Variants in LDB2 observed in about 807,000 individuals in gnomAD.
The protein encoded by LDB2 is LIM domain-binding protein 2.
In LDB2, 12 loss-of-function variants were observed where a neutral mutation model predicts 44.3. The ratio of observed to expected loss-of-function variants is 0.27; its 90% CI spans 0.17 to 0.44. The LOEUF (loss-of-function observed/expected upper bound fraction) is 0.44, where lower values mean the gene tolerates loss of function less well. LDB2 is among the 20% of genes least tolerant of loss of function. The pLI, the probability that LDB2 is intolerant of heterozygous loss-of-function variation, is 1.00. For synonymous variants in LDB2, 164 were observed against 174.8 expected (o/e 0.94, Z 0.49); for missense variants, 344 against 473.5 (o/e 0.73, Z 2.54).
intron 2 of LDB2, among the ~76,000 whole-genome samples, chr4:16,610,796 A>G (rs942548783): frequency 1.3e-5 from 2 of 152,230 alleles, no homozygotes; most frequent in African/African-American, 2.4e-5. Context: ...ACCCTTCACA[A>G]TATTATCCAG....
At chr4:16,769,653 T>C (rs1171377432) in intron 1 of LDB2, among the ~76,000 whole-genome samples, 1 of 152,140 alleles carries the variant, frequency 6.6e-6, no homozygotes, top group Non-Finnish European at 1.5e-5. Flanking sequence ...ACTGAATTTT[T>C]CTTCTCTAAT....
intron 1 of LDB2, among the ~76,000 whole-genome samples, chr4:16,780,489 A>T (rs1044842798): frequency 2.0e-4 from 31 of 152,054 alleles, no homozygotes; most frequent in African/African-American, 7.2e-4. Context: ...TCCCAAAGTG[A>T]TGGGATTTCA....
chr4:16,715,827 G>C (rs753402049), intron 2 of LDB2, among the ~76,000 whole-genome samples: 1 of 152,120 alleles, frequency 6.6e-6, no homozygotes, highest in Admixed American at 6.6e-5. Flanking sequence ...CAAGGAATAC[G>C]TGTGCATGGA....
chr4:16,850,792 T>C (rs978685640), intron 1 of LDB2, among the ~76,000 whole-genome samples: 1 of 151,974 alleles, frequency 6.6e-6, no homozygotes, highest in Non-Finnish European at 1.5e-5. Context: ...AGATGGTGAG[T>C]TTGGTTTGGG....
chr4:16,651,833 T>C (rs761996456), intron 2 of LDB2, among the ~76,000 whole-genome samples: 1 of 152,138 alleles, frequency 6.6e-6, no homozygotes, highest in Non-Finnish European at 1.5e-5. Context: ...GCAAAATACA[T>C]GCTTTTAACC....
intron 1 of LDB2, among the ~76,000 whole-genome samples, chr4:16,876,913 T>C (rs1322867043): frequency 7.6e-6 from 1 of 131,688 alleles, no homozygotes; most frequent in Non-Finnish European, 1.6e-5. Context: ...GTGCTTTTTT[T>C]TTTTTTCCTT....
chr4:16,664,315 G>A (rs1422612088), intron 2 of LDB2, among the ~76,000 whole-genome samples: 8 of 152,164 alleles, frequency 5.3e-5, no homozygotes, highest in Non-Finnish European at 1.2e-4. Flanking sequence ...CAGGTGCCTC[G>A]ATCTTGGACT....
chr4:16,837,230 G>T (rs1429517201), intron 1 of LDB2, among the ~76,000 whole-genome samples: 3 of 152,226 alleles, frequency 2.0e-5, no homozygotes, highest in South Asian at 2.1e-4. Flanking sequence ...ATGACCTTAG[G>T]CAACTTAACT....
At chr4:16,585,330 T>C (rs536321914) in intron 5 of LDB2, among the ~76,000 whole-genome samples, 1 of 152,068 alleles carries the variant, frequency 6.6e-6, no homozygotes, top group Non-Finnish European at 1.5e-5. Flanking sequence ...GGTGTTAGGA[T>C]GGGCGGGTGG....
At chr4:16,545,801 G>A (rs549006178) in intron 5 of LDB2, among the ~76,000 whole-genome samples, 5 of 152,252 alleles carry the variant, frequency 3.3e-5, no homozygotes, top group African/African-American at 1.2e-4. Context: ...CCATCTTTAC[G>A]CAAGAATGCT....
At chr4:16,897,946 GTATATATATATATA>G (rs35836810) in intron 1 of LDB2, among the ~76,000 whole-genome samples, 1 of 27,948 alleles carries the variant, frequency 3.6e-5, no homozygotes, top group Non-Finnish European at 6.2e-5. Flanking sequence ...ATACACATAT[GTATATATATATATA>G]TATATATATA....
chr4:16,873,612 C>T (rs1038473892), intron 1 of LDB2, among the ~76,000 whole-genome samples: 5 of 151,988 alleles, frequency 3.3e-5, no homozygotes, highest in African/African-American at 1.2e-4. Context: ...TTTTCTAAAA[C>T]AAGGAGTATT....
intron 1 of LDB2, among the ~76,000 whole-genome samples, chr4:16,779,533 C>T (rs1772694415): frequency 6.6e-6 from 1 of 152,110 alleles, no homozygotes; most frequent in Non-Finnish European, 1.5e-5. Context: ...AACTCTGCCT[C>T]TTGGGAAGGA....
chr4:16,730,206 GA>G (rs1325566270), intron 2 of LDB2, among the ~76,000 whole-genome samples: 1 of 152,180 alleles, frequency 6.6e-6, no homozygotes, highest in Non-Finnish European at 1.5e-5. Flanking sequence ...GGGATCTTGA[GA>G]TTCCCAGAGT....
At chr4:16,714,860 A>C (rs753490057) in intron 2 of LDB2, among the ~76,000 whole-genome samples, 2 of 151,796 alleles carry the variant, frequency 1.3e-5, no homozygotes, top group Non-Finnish European at 2.9e-5. Flanking sequence ...CATGCCACAC[A>C]ATATCCTCTC....
intron 5 of LDB2, among the ~76,000 whole-genome samples, chr4:16,528,743 T>C (rs747936565): frequency 3.5e-4 from 53 of 152,192 alleles, no homozygotes; most frequent in Non-Finnish European, 6.9e-4. Flanking sequence ...AAAAAAGTGA[T>C]TCATGAGAAG....
chr4:16,567,379 TGTGTGC>T (rs972283033), intron 5 of LDB2, among the ~76,000 whole-genome samples: 20 of 59,926 alleles, frequency 3.3e-4, no homozygotes, highest in African/African-American at 7.3e-4. Context: ...TGTGTGTGTG[TGTGTGC>T]GCGTGTGTGC....
intron 2 of LDB2, among the ~76,000 whole-genome samples, chr4:16,757,008 T>A (rs1387320725): frequency 6.6e-6 from 1 of 151,784 alleles, no homozygotes; most frequent in Non-Finnish European, 1.5e-5. Context: ...ATTTTCCTCA[T>A]CAGAAAAACA....
At chr4:16,852,095 T>C (rs1451522823) in intron 1 of LDB2, among the ~76,000 whole-genome samples, 1 of 152,192 alleles carries the variant, frequency 6.6e-6, no homozygotes, top group Non-Finnish European at 1.5e-5. Context: ...CAAGACTCAT[T>C]TCCTCAACTG....
Sources: gnomAD v4.1 joint callset for allele counts (sites outside exome capture counted in the v4.1 genomes callset) on GRCh38, gnomAD v4.1.1 for gene constraint, MANE v1.5 for transcripts, NCBI Gene and HGNC (gene_info 2026-07-23, HGNC 2026-07-21) for gene names.